ACTR3C: variants seen among roughly 807,000 people sequenced by gnomAD.
The protein encoded by ACTR3C is actin-related protein 3C.
A neutral mutation model predicts 26.3 loss-of-function variants in ACTR3C; 18 were observed. The observed-to-expected ratio is 0.68, with a 90% CI of 0.47 to 1.01. The LOEUF (loss-of-function observed/expected upper bound fraction) is 1.01, where lower values mean the gene tolerates loss of function less well. Ranked by LOEUF, ACTR3C falls within the 50% of genes least tolerant of loss-of-function variation. The probability of loss-of-function intolerance (pLI) is 0.00; values close to 1 mark genes in which losing one functional copy is unlikely to be tolerated. For missense variants in ACTR3C, 184 were observed against 250.7 expected, an observed-to-expected ratio of 0.73 and a Z score of 1.80; for synonymous variants, 55 against 94.5, an observed-to-expected ratio of 0.58 and a Z score of 2.42.
the ACTR3C span, among the ~76,000 whole-genome samples, chr7:150,145,291 C>A: frequency 6.6e-6 from 1 of 152,086 alleles, no homozygotes; most frequent in African/African-American, 2.4e-5. Context: ...GAGAGGCTTG[C>A]GCTGTAGGTC....
intron 6 of ACTR3C, among the ~76,000 whole-genome samples, chr7:150,278,142 G>A (rs1213865103): frequency 1.3e-5 from 2 of 152,036 alleles, no homozygotes; most frequent in Admixed American, 6.5e-5. Context: ...CCACAGGATC[G>A]CGCTACTCTC....
At chr7:149,996,578 T>TAA in the ACTR3C span, among the ~76,000 whole-genome samples, 6,434 of 148,934 alleles carry the variant, frequency 0.043, no homozygotes, top group African/African-American at 0.15. Flanking sequence ...GCAGTTCTGG[T>TAA]AAAAAAATAA....
At chr7:150,162,722 A>G in the ACTR3C span, among the ~76,000 whole-genome samples, 1 of 152,250 alleles carries the variant, frequency 6.6e-6, no homozygotes, top group Admixed American at 6.5e-5. Flanking sequence ...TCTACAAGCA[A>G]TGGCAACAAT....
At chr7:150,035,020 G>C in the ACTR3C span, among the ~76,000 whole-genome samples, 6 of 143,960 alleles carry the variant, frequency 4.2e-5, no homozygotes, top group African/African-American at 1.0e-4. Context: ...CAGAGCCAGG[G>C]GGGGAAGAGG....
the ACTR3C span, among the ~76,000 whole-genome samples, chr7:150,169,083 T>C: frequency 1.7e-4 from 26 of 150,584 alleles, 3 homozygotes; most frequent in African/African-American, 6.5e-4. Context: ...TTAGTGCCCT[T>C]CTAAGAAGAT....
At chr7:150,059,850 A>G in the ACTR3C span, among the ~76,000 whole-genome samples, 3 of 152,318 alleles carry the variant, frequency 2.0e-5, no homozygotes, top group African/African-American at 7.2e-5. Flanking sequence ...AGGAGGGAAG[A>G]GCTGCACAGG....
chr7:150,276,588 T>A (rs1834904675), intron 6 of ACTR3C, among the ~76,000 whole-genome samples: 1 of 152,210 alleles, frequency 6.6e-6, no homozygotes, highest in African/African-American at 2.4e-5. Context: ...CAAGCCAATC[T>A]CCAGGTCCAG....
chr7:150,302,462 T>C (rs2129614387), intron 1 of ACTR3C, among the ~76,000 whole-genome samples: 1 of 151,670 alleles, frequency 6.6e-6, no homozygotes, highest in Non-Finnish European at 1.5e-5. Context: ...ACCAAGAAAA[T>C]GACTAAAAAT....
chr7:150,182,259 G>C, the ACTR3C span, among the ~76,000 whole-genome samples: 107 of 150,736 alleles, frequency 7.1e-4, 3 homozygotes, highest in East Asian at 3.5e-3. Flanking sequence ...TGGATTTATG[G>C]ATTACCTGTA....
rs536467260 is a variant in ACTR3C at position 150,310,688 on chromosome 7, C to A, written c.-52+12781G>T. ...TGACCCTGACACCCACCAGTCCCAG[C>A]AACTCACCTGGACTGTCCTACCCCA... On this transcript the variant is annotated intron_variant, in intron 1 of 7. Transcript: ENST00000683684. 6.6e-5 allele frequency among the ~76,000 whole-genome samples: 10 copies of A among 152,264 alleles called. No homozygotes were observed. In the South Asian group the frequency reaches 2.1e-3, roughly 32 times the overall value.
chr7:150,071,088 C>T, the ACTR3C span, among the ~76,000 whole-genome samples: 74 of 150,704 alleles, frequency 4.9e-4, no homozygotes, highest in African/African-American at 1.6e-3. Flanking sequence ...GCCACCATGC[C>T]CAGCACAAAA....
At chr7:150,022,545 C>G in the ACTR3C span, among the ~76,000 whole-genome samples, 1 of 151,996 alleles carries the variant, frequency 6.6e-6, no homozygotes, top group Non-Finnish European at 1.5e-5. Flanking sequence ...TGGTTCTTGA[C>G]ACTCCCCTCC....
At chr7:150,110,732 A>T in the ACTR3C span, among the ~76,000 whole-genome samples, 1 of 111,624 alleles carries the variant, frequency 9.0e-6, no homozygotes, top group Non-Finnish European at 1.8e-5. Flanking sequence ...GGGGCTTAGA[A>T]GGGCCAGAGC....
At chr7:150,149,605 T>A in the ACTR3C span, among the ~76,000 whole-genome samples, 1 of 151,014 alleles carries the variant, frequency 6.6e-6, no homozygotes, top group South Asian at 2.1e-4. Flanking sequence ...TTTGGTTTTG[T>A]CCTTGTGATA....
the ACTR3C span, among the ~76,000 whole-genome samples, chr7:150,029,407 A>AC: frequency 4.6e-4 from 46 of 100,942 alleles, 1 homozygote; most frequent in African/African-American, 6.0e-4. Flanking sequence ...CAAAAACAAA[A>AC]AAAAAAAAAA....
At chr7:150,108,375 C>G in the ACTR3C span, among the ~76,000 whole-genome samples, 2 of 151,176 alleles carry the variant, frequency 1.3e-5, no homozygotes, top group South Asian at 4.2e-4. Flanking sequence ...TAAGGAAGCC[C>G]AGTGAAGTAA....
At chr7:149,912,757 T>C in the ACTR3C span, among the ~76,000 whole-genome samples, 1 of 152,136 alleles carries the variant, frequency 6.6e-6, no homozygotes, top group Non-Finnish European at 1.5e-5. Flanking sequence ...TGCCTCGGCC[T>C]CCCAAAGTGC....
the ACTR3C span, among the ~76,000 whole-genome samples, chr7:150,124,547 A>G: frequency 6.6e-6 from 1 of 152,212 alleles, no homozygotes; most frequent in African/African-American, 2.4e-5. Flanking sequence ...GTTTAAGACT[A>G]GAGAACACTG....
the ACTR3C span, among the ~76,000 whole-genome samples, chr7:149,898,432 G>A: frequency 0.027 from 4,071 of 152,064 alleles, 157 homozygotes; most frequent in African/African-American, 0.094. Flanking sequence ...ATAGCCGGGC[G>A]CAGTGGCTCA....
Sources: gnomAD v4.1 joint callset for allele counts (sites outside exome capture counted in the v4.1 genomes callset) on GRCh38, gnomAD v4.1.1 for gene constraint, MANE v1.5 for transcripts, NCBI Gene and HGNC (gene_info 2026-07-23, HGNC 2026-07-21) for gene names.